Variants in FOXN3 observed in about 807,000 individuals in gnomAD.
FOXN3 encodes the protein forkhead box N3, also known as forkhead box protein N3.
In FOXN3, 7 loss-of-function variants were observed where a neutral mutation model predicts 38.4. The observed-to-expected ratio is 0.18, with a 90% CI of 0.10 to 0.34. FOXN3 has a LOEUF of 0.34. FOXN3 is among the 10% of genes least tolerant of loss of function. FOXN3 has a pLI of 1.00. For missense variants in FOXN3, 456 were observed against 613.4 expected, an observed-to-expected ratio of 0.74 and a Z score of 2.71; for synonymous variants, 230 against 242.2, an observed-to-expected ratio of 0.95 and a Z score of 0.47.
chr14:89,253,543 C>T (rs1462653255), intron 4 of FOXN3, among the ~76,000 whole-genome samples: 3 of 152,152 alleles, frequency 2.0e-5, no homozygotes, highest in African/African-American at 7.2e-5. Flanking sequence ...TATTTCACTC[C>T]CGGAGTTGTT....
chr14:89,311,818 T>A (rs1032927107), intron 3 of FOXN3, among the ~76,000 whole-genome samples: 6 of 152,092 alleles, frequency 3.9e-5, no homozygotes, highest in Admixed American at 1.3e-4. Flanking sequence ...AGAGCGAGAC[T>A]CCGTCTCAAA....
intron 3 of FOXN3, among the ~76,000 whole-genome samples, chr14:89,347,106 G>A (rs1888782659): frequency 1.3e-5 from 2 of 151,974 alleles, no homozygotes; most frequent in African/African-American, 4.8e-5. Context: ...TTGCTATGGG[G>A]TGATTTATGC....
intron 4 of FOXN3, among the ~76,000 whole-genome samples, chr14:89,271,569 A>G (rs1886151847): frequency 1.3e-5 from 2 of 152,230 alleles, no homozygotes; most frequent in Admixed American, 1.3e-4. Context: ...TAAAATTCAC[A>G]TAGACTAAAA....
At chr14:89,528,521 C>G (rs911584743) in intron 1 of FOXN3, among the ~76,000 whole-genome samples, 1 of 151,294 alleles carries the variant, frequency 6.6e-6, no homozygotes, top group African/African-American at 2.4e-5. Flanking sequence ...CTCAGCCTCC[C>G]GAGTAGCTGG....
Position 89,216,587 on chromosome 14 carries a change from G to A in FOXN3, c.746-35781C>T, listed in dbSNP as rs182157146. 2.6e-5 allele frequency among the ~76,000 whole-genome samples: 4 copies of A among 152,192 alleles called. No individual in the cohort carries two copies. The East Asian group carries it at 5.8e-4, about 22-fold the overall frequency. On this transcript the variant is annotated intron_variant, in intron 4 of 5. Transcript: ENST00000557258. ...GGCCCCTTTTTCCTTCTAAGCTTCTGTAGGCTCTTCTCCATCCTTCAAGAT... is the reference window on the plus strand; with the variant it reads ...GGCCCCTTTTTCCTTCTAAGCTTCTATAGGCTCTTCTCCATCCTTCAAGAT...
At chr14:89,291,177 A>G (rs547627702) in intron 3 of FOXN3, 1 of 476,790 alleles carries the variant, frequency 2.1e-6, no homozygotes, top group Non-Finnish European at 4.2e-6. Flanking sequence ...GGGCACAGTT[A>G]TGCAGCCAAG....
rs1886994049 is a variant in FOXN3, at chr14:89,156,932, G to A, written c.*5482C>T. Reference sequence around the variant, plus strand: ...AGGAGGAGAGGGGCTGGGGAACTCAGGCCACAGTCATGAAAGGATGAATAC... The same window carrying A: ...AGGAGGAGAGGGGCTGGGGAACTCAAGCCACAGTCATGAAAGGATGAATAC... On this transcript the variant is annotated 3_prime_UTR_variant, in exon 6 of 6. Coordinates refer to ENST00000557258, the MANE Select transcript of FOXN3 (RefSeq NM_005197.4). 1 of 152,528 alleles carries A rather than the reference G, an allele frequency of 6.6e-6. No homozygotes were observed. Among genetic ancestry groups the A allele is most frequent in the Non-Finnish European group, 1.5e-5 (1 of 68,032 alleles). 9.4% of individuals were successfully genotyped at this position (152,528 alleles called of 1,614,324 possible).
chr14:89,573,874 T>C (rs924407248), intron 1 of FOXN3, among the ~76,000 whole-genome samples: 1 of 151,774 alleles, frequency 6.6e-6, no homozygotes, highest in Non-Finnish European at 1.5e-5. Context: ...TCTATTTTAA[T>C]AAAAAAACTA....
chr14:89,496,137 C>T (rs1373176319), intron 1 of FOXN3, among the ~76,000 whole-genome samples: 3 of 152,066 alleles, frequency 2.0e-5, no homozygotes, highest in Admixed American at 6.5e-5. Context: ...CTCTTGAACC[C>T]GGGAGGCGGA....
upstream of FOXN3, chr14:89,419,232 C>T (rs1210701234): frequency 4.4e-6 from 2 of 455,642 alleles, no homozygotes; most frequent in African/African-American, 2.0e-5. Flanking sequence ...ATGTGGACAG[C>T]AGGGGACACA....
chr14:89,416,703 G>A (rs1891741645), intron 1 of FOXN3, among the ~76,000 whole-genome samples, 168 bp downstream of exon 1: 1 of 152,126 alleles, frequency 6.6e-6, no homozygotes, highest in African/African-American at 2.4e-5. Flanking sequence ...GCAACTTCCC[G>A]GCTCGGGGGC....
chr14:89,495,031 G>A (rs1484821947), intron 1 of FOXN3, among the ~76,000 whole-genome samples: 1 of 152,164 alleles, frequency 6.6e-6, no homozygotes, highest in Non-Finnish European at 1.5e-5. Context: ...ATGGTTATTG[G>A]TGCACTGGGC....
At chr14:89,243,626 C>T (rs1186319991) in intron 4 of FOXN3, among the ~76,000 whole-genome samples, 2 of 152,172 alleles carry the variant, frequency 1.3e-5, no homozygotes, top group African/African-American at 4.8e-5. Context: ...TAATGCTGCC[C>T]TTTCATTTTC....
chr14:89,337,136 A>C (rs529645135), intron 3 of FOXN3, among the ~76,000 whole-genome samples: 2 of 152,180 alleles, frequency 1.3e-5, no homozygotes, highest in Non-Finnish European at 2.9e-5. Flanking sequence ...CAGAAAAATC[A>C]GGACCTCTGG....
At chr14:89,224,159 T>C (rs1241499251) in intron 4 of FOXN3, among the ~76,000 whole-genome samples, 2 of 152,208 alleles carry the variant, frequency 1.3e-5, no homozygotes, top group African/African-American at 4.8e-5. Context: ...ATGAGCTTAA[T>C]TAGACTTATA....
intron 3 of FOXN3, among the ~76,000 whole-genome samples, chr14:89,321,306 AAATTAAGGGCTGGG>A (rs2139972564): frequency 6.6e-6 from 1 of 151,524 alleles, no homozygotes; most frequent in South Asian, 2.1e-4. Context: ...AAATAAAAAA[AAATTAAGGGCTGGG>A]TAATCCCAGC....
chr14:89,456,135 C>A (rs1425169597), intron 1 of FOXN3, among the ~76,000 whole-genome samples: 1 of 143,246 alleles, frequency 7.0e-6, no homozygotes, highest in Non-Finnish European at 1.5e-5. Context: ...CGGAGGTAGC[C>A]GTGAGCCGAG....
chr14:89,396,571 A>G (rs145991077), intron 2 of FOXN3, among the ~76,000 whole-genome samples: 3,191 of 152,334 alleles, frequency 0.021, 116 homozygotes, highest in African/African-American at 0.071. Flanking sequence ...ACGGTGGCTC[A>G]TGCCTGTAAT....
chr14:89,482,533 G>C (rs999878664), intron 1 of FOXN3, among the ~76,000 whole-genome samples: 1 of 152,180 alleles, frequency 6.6e-6, no homozygotes, highest in Non-Finnish European at 1.5e-5. Flanking sequence ...AGGATCCCTT[G>C]AGCCCAGGAG....
Sources: gnomAD v4.1 joint callset for allele counts (sites outside exome capture counted in the v4.1 genomes callset) on GRCh38, gnomAD v4.1.1 for gene constraint, MANE v1.5 for transcripts, NCBI Gene and HGNC (gene_info 2026-07-23, HGNC 2026-07-21) for gene names.